The following PDZD7 variants were observed in gnomAD, a reference collection of about 807,000 sequenced individuals.
PDZD7 encodes PDZ domain-containing protein 7.
PDZD7 carries 72 observed loss-of-function variants against 84.7 expected under a neutral mutation model. That is an observed-to-expected ratio of 0.85 (90% CI 0.70 to 1.03). PDZD7 has a LOEUF of 1.03. PDZD7 is among the 50% of genes least tolerant of loss of function. PDZD7 has a pLI of 0.00. For synonymous variants in PDZD7, 594 were observed against 580.7 expected (o/e 1.02, Z -0.33); for missense variants, 1,490 against 1,412.9 (o/e 1.05, Z -0.87).
At chr10:101,015,163 T>A (rs917709964) in intron 11 of PDZD7, among the ~76,000 whole-genome samples, 7 of 152,228 alleles carry the variant, frequency 4.6e-5, no homozygotes, top group African/African-American at 1.7e-4. Flanking sequence ...GGACCTGGCA[T>A]GAAGCCAGGC....
chr10:101,009,312 G>A lies in PDZD7; in HGVS notation c.2656C>T (p.Pro886Ser). The A allele has an allele frequency of 6.5e-7, 1 of 1,536,044 alleles. No individual in the cohort carries two copies. Among genetic ancestry groups the A allele is most frequent in the Non-Finnish European group, 8.7e-7 (1 of 1,146,874 alleles). ...AAGATCTTCTCTATCTTCACCATGG[G>A]CTGCACCTTGGACTCAATGCCCCCA... is the stretch of plus-strand genomic sequence containing the variant. ...ISGGIESKVQ[P>S]MVKIEKIFPG... is the part of the protein sequence containing the mutation. Residue 886 changes from proline (P) to serine (S), a missense_variant, in exon 16 of 17, where the codon CCC (proline) becomes TCC (serine). Coordinates refer to ENST00000619208, the MANE Select transcript of PDZD7 (RefSeq NM_001195263.2).
In PDZD7 at chr10:101,008,489, G is replaced by A. The variant is rs1352747004; in HGVS notation, c.3080C>T (p.Ala1027Val). Residue 1027 changes from alanine to valine, a missense_variant, in exon 17 of 17, where the codon GCA becomes GTA. By Grantham distance (64) the Ala-to-Val change is moderately conservative. Transcript: ENST00000619208. ...GGGTCATGGGATGCGTGGGGAGGGT[G>A]CGGGCTTAGAATCAGGAGTCTGGAG... ...PALQTPDSKP[A>V]PSPRIP 3 of 1,526,112 alleles carry A rather than the reference G, an allele frequency of 2.0e-6. No homozygotes were observed. Among genetic ancestry groups the A allele is most frequent in the Non-Finnish European group, 2.6e-6 (3 of 1,141,606 alleles). The allele number at this position is 1,526,112 out of a possible 1,614,324, so 94.5% of individuals were successfully genotyped here. A position where few individuals can be genotyped will look rare whatever the true frequency, so the allele number is the denominator to read the frequency against.
intron 9 of PDZD7, 45 bp from the exon 10 acceptor site, chr10:101,016,472 C>A (rs1852636957): frequency 6.5e-7 from 1 of 1,546,006 alleles, no homozygotes; most frequent in Admixed American, 2.0e-5. Flanking sequence ...GGCCCCCAGT[C>A]TGAAAATGGG....
chr10:101,026,311 T>C (rs190030364), intron 2 of PDZD7, among the ~76,000 whole-genome samples: 3 of 152,166 alleles, frequency 2.0e-5, no homozygotes, highest in Admixed American at 2.0e-4. Flanking sequence ...ATTTTTGTAC[T>C]TTTAGTAGAG....
At chr10:101,017,464 T>A (rs1225607891) in intron 9 of PDZD7, 1 of 564,572 alleles carries the variant, frequency 1.8e-6, no homozygotes, top group Non-Finnish European at 3.2e-6. Context: ...TGGGCTCAAG[T>A]GATCTTGCTG....
chr10:101,013,843 TTTTC>T (rs1452628565), intron 11 of PDZD7, among the ~76,000 whole-genome samples: 3 of 144,940 alleles, frequency 2.1e-5, no homozygotes, highest in East Asian at 4.4e-4. Context: ...CAGGGGTTTC[TTTTC>T]TTTCTTTTTT....
At chr10:101,029,668 G>A (rs1430532853) in intron 2 of PDZD7, among the ~76,000 whole-genome samples, 1 of 152,214 alleles carries the variant, frequency 6.6e-6, no homozygotes, top group Non-Finnish European at 1.5e-5. Context: ...GAGAAGGGCA[G>A]AGCCCATGGG....
At position 101,010,535 on chromosome 10, in the gene PDZD7, C is replaced by A; in HGVS notation, c.2354G>T (p.Ser785Ile). 1 of 1,512,748 alleles carries A rather than the reference C, an allele frequency of 6.6e-7. No homozygotes were observed. The highest frequency in any genetic ancestry group is 8.8e-7 in the Non-Finnish European group (1 of 1,131,734). The allele number at this position is 1,512,748 out of a possible 1,614,324, so 93.7% of individuals were successfully genotyped here. ...RSRSRSRSRSSRGQGKSPGRR... is the reference protein window; with the variant it reads ...RSRSRSRSRSIRGQGKSPGRR... ...ACCTGGAGACTTGCCTTGACCCCGG[C>A]TGCTGCGGCTGCGGCTGCGGCTACG... The change falls in exon 15 of 17, where the codon AGC (serine) becomes ATC (isoleucine). Residue 785 changes from serine to isoleucine, a missense_variant. Coordinates refer to ENST00000619208, the MANE Select transcript of PDZD7 (RefSeq NM_001195263.2).
chr10:101,018,288 G>A lies in PDZD7; in HGVS notation c.1333C>T (p.Gln445Ter). 1 of 1,613,670 alleles carries A rather than the reference G, an allele frequency of 6.2e-7. No individual in the cohort carries two copies. The highest frequency in any genetic ancestry group is 8.5e-7 in the Non-Finnish European group (1 of 1,179,996). The change falls in exon 9 of 17, where the codon CAG (glutamine) becomes TAG (stop). Residue 445 changes from glutamine (Q) to a stop codon, truncating the protein, a stop_gained. Coordinates refer to ENST00000619208, the MANE Select transcript of PDZD7 (RefSeq NM_001195263.2). LOFTEE classifies it high-confidence loss of function. ...QSYLTLWEEKQQRKKEKSGSP... is the reference protein window; with the variant it reads ...QSYLTLWEEK ...CCCGACTTCTCCTTCTTCCGCTGCT[G>A]CTTCTCCTCTGCAGACACGAGGGAG...
At chr10:101,011,411 G>A (rs1379028478) in intron 14 of PDZD7, 10 of 774,898 alleles carry the variant, frequency 1.3e-5, no homozygotes, top group Non-Finnish European at 1.8e-5. Flanking sequence ...GAAAAAATAC[G>A]ACTAGCACAC....
chr10:101,024,461 C>G (rs779991376), intron 2 of PDZD7, among the ~76,000 whole-genome samples: 13 of 151,840 alleles, frequency 8.6e-5, no homozygotes, highest in Non-Finnish European at 1.9e-4. Context: ...CCAGACTGGC[C>G]CAAATCCCTG....
At position 101,030,162 on chromosome 10, in the gene PDZD7, C is replaced by T. The variant is rs751360598; in HGVS notation, c.58G>A (p.Gly20Ser). The T allele has an allele frequency of 3.1e-6, 5 of 1,613,826 alleles. No homozygotes were observed. In the South Asian group the frequency reaches 3.3e-5, roughly 11 times the overall value. Reference sequence around the variant, plus strand: ...CGGGAGGAGAGGGAGCTCAGAGAGCCGGAGCTCAGGTCTCCTAGGCCCAGT... The same window carrying T: ...CGGGAGGAGAGGGAGCTCAGAGAGCTGGAGCTCAGGTCTCCTAGGCCCAGT... ...DPLGLGDLSSGSLSSLSSRGH... is the reference protein window; with the variant it reads ...DPLGLGDLSSSSLSSLSSRGH... Residue 20 changes from glycine (G) to serine (S), a missense_variant, in exon 2 of 17, where the codon GGC becomes AGC. Physicochemically the swap from Gly to Ser is moderately conservative, Grantham distance 56. Coordinates refer to ENST00000619208, the MANE Select transcript of PDZD7 (RefSeq NM_001195263.2).
At chr10:101,024,865 A>G (rs1292614332) in intron 2 of PDZD7, among the ~76,000 whole-genome samples, 2 of 145,186 alleles carry the variant, frequency 1.4e-5, no homozygotes, top group Non-Finnish European at 3.0e-5. Context: ...GTGTGTGTGT[A>G]TCAGTGCTTT....
intron 4 of PDZD7, chr10:101,023,070 CTTTTTTTTTTTTTTTT>C: frequency 7.9e-6 from 1 of 127,272 alleles, no homozygotes; most frequent in Non-Finnish European, 1.3e-5. Flanking sequence ...CCATGCCCGG[CTTTTTTTTTTTTTTTT>C]TTTTTTTTTT....
chr10:101,022,755 C>A (rs983829447), intron 4 of PDZD7, among the ~76,000 whole-genome samples: 2 of 151,928 alleles, frequency 1.3e-5, no homozygotes, highest in African/African-American at 4.8e-5. Context: ...GCCCACCATG[C>A]CCAGTTTTTT....
intron 2 of PDZD7, among the ~76,000 whole-genome samples, chr10:101,028,595 T>C (rs1166874421): frequency 7.2e-6 from 1 of 139,054 alleles, no homozygotes; most frequent in Admixed American, 7.3e-5. Context: ...CAAGACCCTT[T>C]CCCTCTTAAA....
chr10:101,017,892 A>AAAAGAAAGAAAGAAAGAAAGAAAGAAAG lies in PDZD7; in HGVS notation c.1522+206_1522+207insCTTTCTTTCTTTCTTTCTTTCTTTCTTT, dbSNP rs780560274. 36 of 142,462 alleles carry AAAAGAAAGAAAGAAAGAAAGAAAGAAAG rather than the reference A, an allele frequency of 2.5e-4. 3 individuals carry two copies. The highest frequency in any genetic ancestry group is 2.2e-3 in the Middle Eastern group (1 of 454). 8.8% of individuals were successfully genotyped at this position (142,462 alleles called of 1,614,324 possible). On this transcript the variant is annotated intron_variant, in intron 9 of 16. Coordinates refer to ENST00000619208, the MANE Select transcript of PDZD7 (RefSeq NM_001195263.2). Reference sequence around the variant, plus strand: ...GAAAGAAAGAAAGAAAGAAAGAAAGAAAAGAAAGAAAGAAAGAAAGAAAAG... The same window carrying AAAAGAAAGAAAGAAAGAAAGAAAGAAAG: ...GAAAGAAAGAAAGAAAGAAAGAAAGAAAAGAAAGAAAGAAAGAAAGAAAGAAAGAAAGAAAGAAAGAAAGAAAGAAAAG...
chr10:101,013,825 C>T (rs1467049829), intron 11 of PDZD7, among the ~76,000 whole-genome samples: 2 of 150,858 alleles, frequency 1.3e-5, no homozygotes, highest in Non-Finnish European at 2.9e-5. Flanking sequence ...GAGTGTACAG[C>T]GATCAGACAG....
At position 101,007,910 on chromosome 10, in the gene PDZD7, T is replaced by TC. The variant is rs1420940271; in HGVS notation, c.*556dup. On this transcript the variant is annotated 3_prime_UTR_variant, in exon 17 of 17. Transcript: ENST00000619208. ...CCCCACCATTTGCTGGCTATTCTCC[T>TC]CCCCCTCATAGAGCTCTCTTGGGGA... is the stretch of plus-strand genomic sequence containing the variant. 2 of 97,638 alleles carry TC rather than the reference T, an allele frequency of 2.0e-5. No individual in the cohort carries two copies. Among genetic ancestry groups the TC allele is most frequent in the African/African-American group, 8.2e-5 (2 of 24,258 alleles). 6.0% of individuals were successfully genotyped at this position (97,638 alleles called of 1,614,324 possible). A position where few individuals can be genotyped will look rare whatever the true frequency, so the allele number is the denominator to read the frequency against.
Sources: gnomAD v4.1 joint callset for allele counts (sites outside exome capture counted in the v4.1 genomes callset) on GRCh38, gnomAD v4.1.1 for gene constraint, MANE v1.5 for transcripts, NCBI Gene and HGNC (gene_info 2026-07-23, HGNC 2026-07-21) for gene names.